The following MGA variants were observed in gnomAD, a reference collection of about 807,000 sequenced individuals.
The protein encoded by MGA is MAX dimerization protein MGA, also known as MAX gene-associated protein.
In MGA, 40 loss-of-function variants were observed where a neutral mutation model predicts 261.1. The ratio of observed to expected loss-of-function variants is 0.15; its 90% CI spans 0.12 to 0.20. The LOEUF is 0.20. MGA is among the 10% of genes least tolerant of loss of function. MGA has a pLI of 1.00. For synonymous variants in MGA, 1,302 were observed against 1,290.6 expected, an observed-to-expected ratio of 1.01 and a Z score of -0.19; for missense variants, 3,397 against 3,630.5, an observed-to-expected ratio of 0.94 and a Z score of 1.65.
rs17677811 is a variant in MGA, at chr15:41,729,314, T to G, written c.3808T>G (p.Cys1270Gly). 1 of 1,613,930 alleles carries G rather than the reference T, an allele frequency of 6.2e-7. No homozygotes were observed. Among genetic ancestry groups the G allele is most frequent in the Non-Finnish European group, 8.5e-7 (1 of 1,179,862 alleles). The change falls in exon 11 of 24, where the codon TGT (cysteine) becomes GGT (glycine). Residue 1270 changes from cysteine (C) to glycine (G), a missense_variant. By Grantham distance (159) the Cys-to-Gly change is radical (BLOSUM62 -3). Transcript: ENST00000219905. ...TCCATCATTTCAGCAGCAAACTTCA[T>G]GTCATTCTAGCCCTGAGAACCATAA...
chr15:41,652,199 T>G (rs982110582), intron 1 of MGA, among the ~76,000 whole-genome samples: 1 of 150,522 alleles, frequency 6.6e-6, no homozygotes, highest in Non-Finnish European at 1.5e-5. Flanking sequence ...GGTCTCAATC[T>G]CCTGAGCTCG....
chr15:41,676,027 T>C (rs1483603807), intron 2 of MGA, among the ~76,000 whole-genome samples: 3 of 152,222 alleles, frequency 2.0e-5, no homozygotes, highest in Non-Finnish European at 4.4e-5. Flanking sequence ...CTTTTCCATG[T>C]GTGACATAGT....
chr15:41,703,368 A>ACCCCCCCCC (rs71108121), intron 5 of MGA, among the ~76,000 whole-genome samples: 13 of 93,292 alleles, frequency 1.4e-4, no homozygotes, highest in Non-Finnish European at 1.4e-4. Context: ...TTGTGAAGTT[A>ACCCCCCCCC]CCCCCCCCCC....
chr15:41,641,018 G>C (rs1393042274), intron 1 of MGA, among the ~76,000 whole-genome samples: 2 of 152,146 alleles, frequency 1.3e-5, no homozygotes, highest in African/African-American at 4.8e-5. Context: ...CCAGGCCTAG[G>C]TGACTATCAG....
intron 1 of MGA, among the ~76,000 whole-genome samples, chr15:41,626,417 A>G (rs904368068): frequency 6.6e-6 from 1 of 151,914 alleles, no homozygotes; most frequent in African/African-American, 2.4e-5. Flanking sequence ...ACTCTAAAAA[A>G]ACTTTTTTTT....
chr15:41,659,305 G>A (rs571371690), upstream of MGA, among the ~76,000 whole-genome samples: 8 of 152,230 alleles, frequency 5.3e-5, no homozygotes, highest in Admixed American at 2.0e-4. Flanking sequence ...AGTAGTGTTG[G>A]ATAAGCCTCC....
chr15:41,640,804 A>G (rs1011027703), intron 1 of MGA, among the ~76,000 whole-genome samples: 8 of 152,230 alleles, frequency 5.3e-5, no homozygotes, highest in African/African-American at 1.9e-4. Flanking sequence ...GGCGTGAGCC[A>G]CTGCGCCTGC....
intron 1 of MGA, among the ~76,000 whole-genome samples, chr15:41,626,418 A>AC (rs1298826556): frequency 4.6e-5 from 7 of 151,608 alleles, no homozygotes; most frequent in Non-Finnish European, 1.0e-4. Context: ...CTCTAAAAAA[A>AC]CTTTTTTTTT....
chr15:41,726,616 C>T (rs2061262566), intron 9 of MGA, among the ~76,000 whole-genome samples: 1 of 151,776 alleles, frequency 6.6e-6, no homozygotes, highest in African/African-American at 2.4e-5. Flanking sequence ...GTAATCCCAG[C>T]TACTCAGGTG....
In MGA at chr15:41,743,044, C is replaced by A. The variant is rs768270926; in HGVS notation, c.5084C>A (p.Ser1695Tyr). Reference sequence around the variant, plus strand: ...ACTCTTCCTGTTGCTTCCACTGCTTCCACCTCCTTAGTCGTGGTGACTGCA... The same window carrying A: ...ACTCTTCCTGTTGCTTCCACTGCTTACACCTCCTTAGTCGTGGTGACTGCA... Residue 1695 changes from serine to tyrosine, a missense_variant, in exon 15 of 24, where the codon TCC (serine) becomes TAC (tyrosine). This residue lies in a region of MGA where 1,410 missense variants were observed against 1,386.4 expected (regional missense o/e 1.02). Coordinates refer to ENST00000219905, the MANE Select transcript of MGA (RefSeq NM_001164273.2). The A allele has an allele frequency of 6.1e-5, 98 of 1,613,900 alleles. No individual in the cohort carries two copies. Among genetic ancestry groups the A allele is most frequent in the Non-Finnish European group, 8.1e-5 (95 of 1,179,906 alleles).
At chr15:41,702,627 G>A (rs1459101598) in intron 5 of MGA, among the ~76,000 whole-genome samples, 1 of 152,182 alleles carries the variant, frequency 6.6e-6, no homozygotes, top group Non-Finnish European at 1.5e-5. Flanking sequence ...GGAAAGCAGT[G>A]TTGATTAAGC....
chr15:41,748,544 A>T (rs1248354799), intron 15 of MGA, 93 bp from the exon 16 acceptor site: 1 of 1,400,010 alleles, frequency 7.1e-7, no homozygotes. Flanking sequence ...CAACAAAGCA[A>T]GACTGTGTCT....
intron 22 of MGA, 115 bp from the exon 23 acceptor site, chr15:41,764,771 T>C: frequency 9.6e-7 from 1 of 1,037,836 alleles, no homozygotes; most frequent in African/African-American, 1.6e-5. Flanking sequence ...CTTGAACTCC[T>C]GGGCTCAAGT....
intron 2 of MGA, among the ~76,000 whole-genome samples, chr15:41,671,126 A>G (rs775209659): frequency 4.6e-5 from 7 of 152,158 alleles, no homozygotes; most frequent in Non-Finnish European, 7.4e-5. Context: ...TCAGATACAG[A>G]AAGTTGCCTG....
At position 41,766,563 on chromosome 15, in the gene MGA, C is replaced by G. The variant is rs1477861833; in HGVS notation, c.8481C>G (p.Leu2827=). 1 of 1,613,940 alleles carries G rather than the reference C, an allele frequency of 6.2e-7. No homozygotes were observed. The highest frequency in any genetic ancestry group is 1.1e-5 in the South Asian group (1 of 91,066). ...CTGATGAGACACTGACTTCACTGCT[C>G]AATGAAATTGCCTTTCTTAATCAAC... Residue 2827 remains leucine, a synonymous_variant, in exon 24 of 24, where the codon CTC becomes CTG. Coordinates refer to ENST00000219905, the MANE Select transcript of MGA (RefSeq NM_001164273.2).
intron 9 of MGA, among the ~76,000 whole-genome samples, chr15:41,713,937 A>T (rs1476806731): frequency 1.3e-5 from 2 of 152,192 alleles, no homozygotes; most frequent in Non-Finnish European, 2.9e-5. Flanking sequence ...ACAAAGTAGG[A>T]TTGTGGTAAA....
In MGA at chr15:41,749,296, G is replaced by C. The variant is rs1306311398; in HGVS notation, c.5689G>C (p.Ala1897Pro). ...CTCTGGAGCTAGTTTTGTGTCTCAG[G>C]CTGGTACATTGACCCTGAGGATTTC... The change falls in exon 17 of 24, where the codon GCT (alanine) becomes CCT (proline). Residue 1897 changes from alanine to proline, a missense_variant. This residue lies in a region of MGA where 1,410 missense variants were observed against 1,386.4 expected (regional missense o/e 1.02). Coordinates refer to ENST00000219905, the MANE Select transcript of MGA (RefSeq NM_001164273.2). 6.2e-7 allele frequency: 1 copy of C among 1,613,974 alleles called. No individual in the cohort carries two copies.
rs766829877 is a variant in MGA at position 41,743,201 on chromosome 15, AT to A, written c.5212+33del. ...AGGCCTAGATGTTACTAGCTGCTTT[AT>A]TTTACTGTACACCTATTTATATAAC... On this transcript the variant is annotated intron_variant, in intron 15 of 23. Transcript: ENST00000219905. 165 of 1,567,156 alleles carry A rather than the reference AT, an allele frequency of 1.1e-4. 1 individual carries two copies. The highest frequency in any genetic ancestry group is 1.4e-4 in the Non-Finnish European group (161 of 1,154,048).
intron 3 of MGA, 118 bp downstream of exon 3, chr15:41,697,141 TG>T (rs550269051): frequency 2.3e-6 from 2 of 870,058 alleles, no homozygotes; most frequent in African/African-American, 3.4e-5. Flanking sequence ...TGAGGGTGTA[TG>T]GGGGGTGGAG....
Sources: gnomAD v4.1 joint callset for allele counts (sites outside exome capture counted in the v4.1 genomes callset) on GRCh38, gnomAD v4.1.1 for gene constraint, gnomAD v4.1.1 regional missense constraint, MANE v1.5 for transcripts, NCBI Gene and HGNC (gene_info 2026-07-23, HGNC 2026-07-21) for gene names.